CHAMP1: variants seen among roughly 807,000 people sequenced by gnomAD.
CHAMP1 encodes chromosome alignment-maintaining phosphoprotein 1.
CHAMP1 carries 4 observed loss-of-function variants against 54.5 expected under a neutral mutation model. The ratio of observed to expected loss-of-function variants is 0.07; its 90% CI spans 0.04 to 0.17. CHAMP1 has a LOEUF of 0.17. Ranked by LOEUF, CHAMP1 falls within the 10% of genes least tolerant of loss-of-function variation. CHAMP1 has a pLI of 1.00. For synonymous variants in CHAMP1, 368 were observed against 342.2 expected (o/e 1.08, Z -0.83); for missense variants, 994 against 968.6 (o/e 1.03, Z -0.35).
chr13:114,316,599 T>A (rs556598660), intron 1 of CHAMP1, among the ~76,000 whole-genome samples: 206 of 151,542 alleles, frequency 1.4e-3, no homozygotes, highest in African/African-American at 4.3e-3. Context: ...CAAAAAAAAA[T>A]AAATAAATAA....
Position 114,326,167 on chromosome 13 carries a change from T to C in CHAMP1, c.2325T>C (p.Asn775=). The C allele has an allele frequency of 6.2e-7, 1 of 1,613,300 alleles. No homozygotes were observed. Among genetic ancestry groups the C allele is most frequent in the Non-Finnish European group, 8.5e-7 (1 of 1,179,520 alleles). Residue 775 remains asparagine (N), a synonymous_variant, in exon 3 of 3, where the codon AAT becomes AAC. Coordinates refer to ENST00000361283, the MANE Select transcript of CHAMP1 (RefSeq NM_032436.4). ...GTCCACGTTGTAATTTTGAATCAAA[T>C]TTCCCAAGAGGTTTTAAGAAACATT... ...LKCPRCNFES[N]FPRGFKKHLT... is the part of the protein sequence containing the mutation.
rs782132271 is a variant in CHAMP1, at chr13:114,325,259, C to T, written c.1417C>T (p.Arg473Cys). Residue 473 changes from arginine to cysteine, a missense_variant, in exon 3 of 3, where the codon CGT (arginine) becomes TGT (cysteine). This residue lies in a region of CHAMP1 where 851 missense variants were observed against 701.3 expected (regional missense o/e 1.21). Transcript: ENST00000361283. Reference sequence around the variant, plus strand: ...TTTCCCTGAGTCCCAGAAAAGTTCCCGTGGTGGTTCTCCTGATCTCTGGAA... The same window carrying T: ...TTTCCCTGAGTCCCAGAAAAGTTCCTGTGGTGGTTCTCCTGATCTCTGGAA... Reference protein sequence around the residue: ...LDFPESQKSSRGGSPDLWKSS... With the variant: ...LDFPESQKSSCGGSPDLWKSS... 3.0e-5 allele frequency: 49 copies of T among 1,614,002 alleles called. No individual in the cohort carries two copies. In the Middle Eastern group the frequency reaches 4.9e-4, roughly 16 times the overall value.
rs2087249854 is a variant in CHAMP1, at chr13:114,326,272, G to C, written c.2430G>C (p.Gln810His). The change falls in exon 3 of 3, where the codon CAG (glutamine) becomes CAC (histidine). Residue 810 changes from glutamine (Q) to histidine (H), a missense_variant. Coordinates refer to ENST00000361283, the MANE Select transcript of CHAMP1 (RefSeq NM_032436.4). ...CTCTTGAACCGCCACTGGAGGAGCA[G>C]CAAATTTGATAACACAGTGTGAATA... ...MEALEPPLEE[Q>H]QI The C allele has an allele frequency of 6.4e-7, 1 of 1,566,386 alleles. No individual in the cohort carries two copies. Among genetic ancestry groups the C allele is most frequent in the African/African-American group, 1.4e-5 (1 of 72,574 alleles).
In CHAMP1 at chr13:114,325,141, A is replaced by C. The variant is rs1555379719; in HGVS notation, c.1299A>C (p.Pro433=). ...GPPLSPEIRS[P]AGSPELRKPS... ...CACTATCCCCAGAGATCCGTAGTCC[A>C]GCAGGATCTCCAGAGCTCAGAAAAC... Residue 433 remains proline, a synonymous_variant, in exon 3 of 3, where the codon CCA becomes CCC. Transcript: ENST00000361283. 6.2e-7 allele frequency: 1 copy of C among 1,614,068 alleles called. No homozygotes were observed. The highest frequency in any genetic ancestry group is 2.2e-5 in the East Asian group (1 of 44,894).
In CHAMP1 at chr13:114,325,996, T is replaced by G; in HGVS notation, c.2154T>G (p.Ala718=). 1 of 1,614,176 alleles carries G rather than the reference T, an allele frequency of 6.2e-7. No individual in the cohort carries two copies. The highest frequency in any genetic ancestry group is 1.1e-5 in the South Asian group (1 of 91,078). ...KYYCKICCCR[A]MKKGAVLHHL... is the part of the protein sequence containing the mutation. ...ATTGCAAAATTTGTTGCTGTCGTGCTATGAAAAAAGGTGCTGTTTTGCATC... is the reference window on the plus strand; with the variant it reads ...ATTGCAAAATTTGTTGCTGTCGTGCGATGAAAAAAGGTGCTGTTTTGCATC... The change falls in exon 3 of 3, where the codon GCT becomes GCG. Residue 718 remains alanine (A), a synonymous_variant. Transcript: ENST00000361283.
chr13:114,321,494 G>A (rs2087171905), intron 2 of CHAMP1, among the ~76,000 whole-genome samples: 1 of 152,088 alleles, frequency 6.6e-6, no homozygotes, highest in South Asian at 2.1e-4. Context: ...AATGGGGAAT[G>A]GTAGGTGAGT....
Position 114,325,405 on chromosome 13 carries a change from C to A in CHAMP1, c.1563C>A (p.Ile521=). 1 of 1,614,098 alleles carries A rather than the reference C, an allele frequency of 6.2e-7. No homozygotes were observed. Among genetic ancestry groups the A allele is most frequent in the Non-Finnish European group, 8.5e-7 (1 of 1,180,026 alleles). Reference sequence around the variant, plus strand: ...ATATCTGGAAGCCTGTTCTCTCTATCGATACTGAGCCTAGAAAACCTGCCC... The same window carrying A: ...ATATCTGGAAGCCTGTTCTCTCTATAGATACTGAGCCTAGAAAACCTGCCC... ...ASDIWKPVLS[I]DTEPRKPALF... The change falls in exon 3 of 3, where the codon ATC becomes ATA. Residue 521 remains isoleucine, a synonymous_variant. Transcript: ENST00000361283.
At position 114,324,377 on chromosome 13, in the gene CHAMP1, C is replaced by G; in HGVS notation, c.535C>G (p.Pro179Ala). The G allele has an allele frequency of 6.2e-7, 1 of 1,614,150 alleles. No individual in the cohort carries two copies. Among genetic ancestry groups the G allele is most frequent in the Admixed American group, 1.7e-5 (1 of 60,016 alleles). The change falls in exon 3 of 3, where the codon CCT (proline) becomes GCT (alanine). Residue 179 changes from proline (P) to alanine (A), a missense_variant. Physicochemically the swap from Pro to Ala is conservative, Grantham distance 27. Around this residue, in one of 3 missense-constraint regions of CHAMP1, gnomAD observed 851 missense variants for 701.3 expected, o/e 1.21. Transcript: ENST00000361283. The part of the protein sequence containing the change: ...TPLPSPEPSK[P>A]ASVSSPEPPK... ...TCTTCCTTCTCCTGAGCCTTCAAAA[C>G]CTGCCTCTGTTTCTTCTCCTGAACC...
chr13:114,315,413 A>G (rs766254353), intron 1 of CHAMP1, among the ~76,000 whole-genome samples: 23 of 152,188 alleles, frequency 1.5e-4, no homozygotes, highest in Non-Finnish European at 2.5e-4. Context: ...AGACTCAGAT[A>G]CTTGTTCACA....
Position 114,321,179 on chromosome 13 carries a change from T to G in CHAMP1, c.-109T>G, listed in dbSNP as rs1163288395. On this transcript the variant is annotated 5_prime_UTR_variant, in exon 2 of 3. It removes an upstream start codon present in the reference 5' UTR. Coordinates refer to ENST00000361283, the MANE Select transcript of CHAMP1 (RefSeq NM_032436.4). The stretch of plus-strand genomic sequence containing the variant: ...TTGCTGTGGTTTAGTCAAAAAGCCA[T>G]GTAGAATGCCTGCCTTTTGAAGACC... 1 of 151,090 alleles carries G rather than the reference T, an allele frequency of 6.6e-6. No homozygotes were observed. The highest frequency in any genetic ancestry group is 2.4e-5 in the African/African-American group (1 of 41,034). 9.4% of individuals were successfully genotyped at this position (151,090 alleles called of 1,614,324 possible).
intron 1 of CHAMP1, among the ~76,000 whole-genome samples, chr13:114,316,112 A>T (rs1034631245): frequency 1.3e-5 from 2 of 152,158 alleles, no homozygotes; most frequent in Middle Eastern, 3.4e-3. Flanking sequence ...CTGAAATTAC[A>T]GGCATGAACC....
At chr13:114,323,533 C>A (rs143588592) in intron 2 of CHAMP1, 2 of 265,720 alleles carry the variant, frequency 7.5e-6, no homozygotes, top group African/African-American at 2.2e-5. Flanking sequence ...CTTCTCTGAA[C>A]CTGTTTCTTC....
At position 114,325,304 on chromosome 13, in the gene CHAMP1, C is replaced by G. The variant is rs2087232190; in HGVS notation, c.1462C>G (p.Pro488Ala). Residue 488 changes from proline to alanine, a missense_variant, in exon 3 of 3, where the codon CCT (proline) becomes GCT (alanine). Pro to Ala is a conservative substitution (Grantham distance 27). Coordinates refer to ENST00000361283, the MANE Select transcript of CHAMP1 (RefSeq NM_032436.4). ...DLWKSSFFIE[P>A]QKPVFPETRK... The stretch of plus-strand genomic sequence containing the variant: ...CTGGAAGTCTTCCTTTTTTATTGAG[C>G]CTCAGAAACCTGTCTTCCCTGAGAC... 4 of 1,614,126 alleles carry G rather than the reference C, an allele frequency of 2.5e-6. No homozygotes were observed. The East Asian group carries it at 8.9e-5, about 36-fold the overall frequency.
Position 114,325,414 on chromosome 13 carries a change from G to A in CHAMP1, c.1572G>A (p.Glu524=), listed in dbSNP as rs1555379801. 6.2e-7 allele frequency: 1 copy of A among 1,614,008 alleles called. No homozygotes were observed. The highest frequency in any genetic ancestry group is 1.1e-5 in the South Asian group (1 of 91,068). Residue 524 remains glutamate, a synonymous_variant, in exon 3 of 3, where the codon GAG becomes GAA. Transcript: ENST00000361283. ...IWKPVLSIDT[E]PRKPALFPEP... ...AGCCTGTTCTCTCTATCGATACTGA[G>A]CCTAGAAAACCTGCCCTGTTTCCCG...
At chr13:114,323,711 G>C in intron 2 of CHAMP1, 77 bp from the exon 3 acceptor site, 2 of 1,153,116 alleles carry the variant, frequency 1.7e-6, no homozygotes, top group Non-Finnish European at 2.4e-6. Flanking sequence ...TTAAAATTAT[G>C]CAGTTATAGA....
intron 2 of CHAMP1, 91 bp from the exon 3 acceptor site, chr13:114,323,697 A>T: frequency 9.4e-7 from 1 of 1,066,750 alleles, no homozygotes; most frequent in Non-Finnish European, 1.3e-6. Flanking sequence ...GCACTGTTCT[A>T]GACTTAAAAT....
At position 114,325,048 on chromosome 13, in the gene CHAMP1, C is replaced by A; in HGVS notation, c.1206C>A (p.Pro402=). The A allele has an allele frequency of 1.2e-6, 2 of 1,614,126 alleles. No individual in the cohort carries two copies. Among genetic ancestry groups the A allele is most frequent in the Non-Finnish European group, 1.7e-6 (2 of 1,180,026 alleles). The change falls in exon 3 of 3, where the codon CCC becomes CCA. Residue 402 remains proline (P), a synonymous_variant. Transcript: ENST00000361283. ...CACCAGAACTCCGAAAGACAGCTCC[C>A]ACGTTGTCTCCTGAACATTGGAAGG... The part of the protein sequence containing the change: ...SGPPELRKTA[P]TLSPEHWKAV...
chr13:114,322,561 C>T lies in CHAMP1; in HGVS notation c.-55-1227C>T, dbSNP rs548299266. 2.6e-5 allele frequency: 4 copies of T among 152,272 alleles called. No individual in the cohort carries two copies. In the South Asian group the frequency reaches 8.3e-4, roughly 32 times the overall value. 9.4% of individuals were successfully genotyped at this position (152,272 alleles called of 1,614,324 possible). A position where few individuals can be genotyped will look rare whatever the true frequency, so the allele number is the denominator to read the frequency against. ...TATAGGAAATTGTCTCTCATATATA[C>T]ACGTTGTTATGCAGTAATAGAAGTT... On this transcript the variant is annotated intron_variant, in intron 2 of 2. Transcript: ENST00000361283.
chr13:114,315,549 C>T (rs577939432), intron 1 of CHAMP1, among the ~76,000 whole-genome samples: 80 of 152,306 alleles, frequency 5.3e-4, no homozygotes, highest in Middle Eastern at 3.4e-3. Context: ...AATTCTGATA[C>T]ATGCTGCAAT....
Sources: gnomAD v4.1 joint callset for allele counts (sites outside exome capture counted in the v4.1 genomes callset) on GRCh38, gnomAD v4.1.1 for gene constraint, gnomAD v4.1.1 regional missense constraint, MANE v1.5 for transcripts, NCBI Gene and HGNC (gene_info 2026-07-23, HGNC 2026-07-21) for gene names.